FLACC1: variants seen among roughly 807,000 people sequenced by gnomAD.
FLACC1 encodes the protein flagellum-associated coiled-coil domain-containing protein 1.
Under a neutral mutation model 62.8 loss-of-function variants are expected in FLACC1, and 66 were observed. The observed-to-expected ratio is 1.05, with a 90% CI of 0.86 to 1.29. The LOEUF is 1.29. Ranked by LOEUF, FLACC1 falls within the 50% of genes most tolerant of loss-of-function variation. The pLI, the probability that FLACC1 is intolerant of heterozygous loss-of-function variation, is 0.00. For synonymous variants in FLACC1, 156 were observed against 161.0 expected, an observed-to-expected ratio of 0.97 and a Z score of 0.24; for missense variants, 452 against 489.1, an observed-to-expected ratio of 0.92 and a Z score of 0.71.
At chr2:201,303,623 C>CA (rs1457196175) in intron 11 of FLACC1, among the ~76,000 whole-genome samples, 22 of 151,936 alleles carry the variant, frequency 1.4e-4, no homozygotes, top group Non-Finnish European at 1.5e-5. Flanking sequence ...AGAGACACAA[C>CA]AAAAAAAGAG....
the FLACC1 span, among the ~76,000 whole-genome samples, chr2:201,362,550 C>A: frequency 3.9e-5 from 6 of 152,206 alleles, no homozygotes; most frequent in African/African-American, 1.4e-4. Context: ...ATGAGTGAAG[C>A]CCTAGTACAT....
rs551563665 is a variant in FLACC1 at position 201,299,158 on chromosome 2, T to G, written c.942+80A>C. The G allele has an allele frequency of 2.1e-5, 27 of 1,285,972 alleles. No homozygotes were observed. In the South Asian group the frequency reaches 3.6e-4, roughly 17 times the overall value. The allele number at this position is 1,285,972 out of a possible 1,614,324, so 79.7% of individuals were successfully genotyped here. A position where few individuals can be genotyped will look rare whatever the true frequency, so the allele number is the denominator to read the frequency against. The stretch of plus-strand genomic sequence containing the variant: ...TTGGCTTTGGGGAAATTATCATTGA[T>G]TCCATTATACTGACAGCTTGTTATT... On this transcript the variant is annotated intron_variant, in intron 12 of 14. Transcript: ENST00000392257.
chr2:201,313,630 T>A (rs1242660458), intron 9 of FLACC1, among the ~76,000 whole-genome samples: 2 of 152,084 alleles, frequency 1.3e-5, no homozygotes, highest in African/African-American at 2.4e-5. Flanking sequence ...CTACTCACCC[T>A]GGTAGCTGAA....
At chr2:201,306,705 C>T (rs530482386) in intron 11 of FLACC1, among the ~76,000 whole-genome samples, 2 of 152,226 alleles carry the variant, frequency 1.3e-5, no homozygotes, top group African/African-American at 2.4e-5. Flanking sequence ...TTTAAAGCTT[C>T]TGTATATCGA....
At chr2:201,356,708 G>C (rs1335438734) in intron 1 of FLACC1, among the ~76,000 whole-genome samples, 2 of 152,290 alleles carry the variant, frequency 1.3e-5, no homozygotes, top group African/African-American at 4.8e-5. Flanking sequence ...TGTGTAACAG[G>C]ATATCTAGTT....
At chr2:201,307,431 A>T in intron 11 of FLACC1, 88 bp downstream of exon 11, 1 of 934,396 alleles carries the variant, frequency 1.1e-6, no homozygotes, top group Non-Finnish European at 1.7e-6. Flanking sequence ...AGACAAAAAG[A>T]TCACCTAATT....
intron 9 of FLACC1, among the ~76,000 whole-genome samples, chr2:201,319,342 C>T (rs1950359953): frequency 6.6e-6 from 1 of 152,078 alleles, no homozygotes; most frequent in Non-Finnish European, 1.5e-5. Context: ...CTACCTTTCA[C>T]CATATACAAA....
chr2:201,317,657 T>A (rs1444146217), intron 9 of FLACC1, among the ~76,000 whole-genome samples: 1 of 151,894 alleles, frequency 6.6e-6, no homozygotes, highest in Non-Finnish European at 1.5e-5. Flanking sequence ...GCAATTCCCA[T>A]CAAAATACCA....
At chr2:201,299,609 A>G (rs1429520500) in intron 11 of FLACC1, among the ~76,000 whole-genome samples, 5 of 152,272 alleles carry the variant, frequency 3.3e-5, no homozygotes, top group African/African-American at 1.2e-4. Flanking sequence ...TTTATATTCA[A>G]TGAAATCCCA....
intron 11 of FLACC1, 34 bp from the exon 12 acceptor site, chr2:201,299,334 T>C (rs759794883): frequency 1.3e-6 from 2 of 1,581,518 alleles, no homozygotes; most frequent in Admixed American, 3.4e-5. Flanking sequence ...AGGTTAGCAC[T>C]GTGGTTCTGG....
At chr2:201,330,341 C>CACTT (rs909497542) in intron 9 of FLACC1, 129 bp downstream of exon 9, 2 of 869,258 alleles carry the variant, frequency 2.3e-6, no homozygotes, top group Non-Finnish European at 3.4e-6. Context: ...CAGCTAGTGC[C>CACTT]ACTTAGGTCT....
At chr2:201,310,348 T>C (rs934790749) in intron 9 of FLACC1, among the ~76,000 whole-genome samples, 2 of 152,234 alleles carry the variant, frequency 1.3e-5, no homozygotes, top group African/African-American at 4.8e-5. Context: ...GTGGTACTGG[T>C]GTTTAACTTT....
At chr2:201,344,941 A>AAG (rs1950882929) in intron 5 of FLACC1, among the ~76,000 whole-genome samples, 1 of 152,224 alleles carries the variant, frequency 6.6e-6, no homozygotes, top group Non-Finnish European at 1.5e-5. Context: ...CTGATAAAAC[A>AAG]AGAGAGGAGA....
chr2:201,291,725 T>C (rs1252499177), intron 12 of FLACC1, among the ~76,000 whole-genome samples: 1 of 152,098 alleles, frequency 6.6e-6, no homozygotes, highest in Non-Finnish European at 1.5e-5. Flanking sequence ...ATCAAACTAC[T>C]CCGAGCTAAA....
the FLACC1 span, among the ~76,000 whole-genome samples, chr2:201,363,827 T>C: frequency 6.6e-6 from 1 of 152,296 alleles, no homozygotes; most frequent in Admixed American, 6.5e-5. Flanking sequence ...CCCCATCCCT[T>C]TGCAGGGAAC....
At chr2:201,309,302 C>G (rs546905535) in intron 9 of FLACC1, 52 bp from the exon 10 acceptor site, 4 of 1,384,216 alleles carry the variant, frequency 2.9e-6, no homozygotes, top group Middle Eastern at 1.8e-4. Flanking sequence ...ATGAAGGTGA[C>G]CTGGAGAGGC....
chr2:201,312,642 G>C (rs1406756162), intron 9 of FLACC1, among the ~76,000 whole-genome samples: 2 of 152,176 alleles, frequency 1.3e-5, no homozygotes, highest in Non-Finnish European at 2.9e-5. Context: ...AACAAAGCTG[G>C]AGGCATCTCA....
chr2:201,306,041 A>G (rs1051653050), intron 11 of FLACC1, among the ~76,000 whole-genome samples: 11 of 152,042 alleles, frequency 7.2e-5, no homozygotes, highest in Non-Finnish European at 1.6e-4. Flanking sequence ...TATTTAACAC[A>G]CTGGCACGTT....
At chr2:201,288,976 T>G (rs1949660042) in intron 14 of FLACC1, among the ~76,000 whole-genome samples, 195 bp from the exon 15 acceptor site, 1 of 152,240 alleles carries the variant, frequency 6.6e-6, no homozygotes, top group Non-Finnish European at 1.5e-5. Flanking sequence ...AATTTTCTAC[T>G]AAATCAATGC....
Sources: gnomAD v4.1 joint callset for allele counts (sites outside exome capture counted in the v4.1 genomes callset) on GRCh38, gnomAD v4.1.1 for gene constraint, MANE v1.5 for transcripts, NCBI Gene and HGNC (gene_info 2026-07-23, HGNC 2026-07-21) for gene names.